Variants in TCF4 observed in about 807,000 individuals in gnomAD.
The protein encoded by TCF4 is transcription factor 4.
TCF4 carries 3 observed loss-of-function variants against 82.1 expected under a neutral mutation model. The ratio of observed to expected loss-of-function variants is 0.04; its 90% CI spans 0.02 to 0.09. TCF4 has a LOEUF of 0.09. TCF4 is among the 10% of genes least tolerant of loss of function. The pLI is 1.00. For missense variants in TCF4, 518 were observed against 852.7 expected, an observed-to-expected ratio of 0.61 and a Z score of 4.89; for synonymous variants, 276 against 309.6, an observed-to-expected ratio of 0.89 and a Z score of 1.14.
intron 3 of TCF4, among the ~76,000 whole-genome samples, chr18:55,520,565 C>T (rs551540545): frequency 9.8e-5 from 15 of 152,306 alleles, no homozygotes; most frequent in African/African-American, 3.6e-4. Context: ...AAATATGAGA[C>T]TATCACATTA....
intron 6 of TCF4, among the ~76,000 whole-genome samples, chr18:55,389,933 C>T (rs951280803): frequency 6.6e-6 from 1 of 151,750 alleles, no homozygotes; most frequent in Admixed American, 6.6e-5. Flanking sequence ...TGAGGGAGAC[C>T]GAGCAGTCTC....
rs544518127 is a variant in TCF4 at position 55,491,943 on chromosome 18, T to A, written c.146-27806A>T. 2.0e-5 allele frequency among the ~76,000 whole-genome samples: 3 copies of A among 152,342 alleles called. No homozygotes were observed. The South Asian group carries it at 6.2e-4, about 32-fold the overall frequency. On this transcript the variant is annotated intron_variant, in intron 3 of 19. Coordinates refer to ENST00000354452, the MANE Select transcript of TCF4 (RefSeq NM_001083962.2). Reference sequence around the variant, plus strand: ...TGCATTTAATCAAAAAGGAGCTTTTTTGAATTTTGGAATCATAGAAATTCA... The same window carrying A: ...TGCATTTAATCAAAAAGGAGCTTTTATGAATTTTGGAATCATAGAAATTCA...
intron 3 of TCF4, chr18:55,550,582 G>A (rs1297782623): frequency 6.6e-6 from 1 of 152,156 alleles, no homozygotes; most frequent in Non-Finnish European, 1.5e-5. Flanking sequence ...TGTGCATGTA[G>A]TACAGCGCCA....
intron 11 of TCF4, among the ~76,000 whole-genome samples, chr18:55,264,248 G>A (rs755132212): frequency 7.9e-5 from 12 of 152,194 alleles, no homozygotes; most frequent in South Asian, 2.1e-4. Context: ...TTACCTCATC[G>A]CGTCATGAAA....
chr18:55,534,671 T>C (rs1253620654), intron 3 of TCF4, among the ~76,000 whole-genome samples: 1 of 152,232 alleles, frequency 6.6e-6, no homozygotes, highest in African/African-American at 2.4e-5. Flanking sequence ...AAATCAGGAC[T>C]CTTCTCAAGT....
At chr18:55,600,970 T>C (rs1265126987) in intron 2 of TCF4, among the ~76,000 whole-genome samples, 1 of 152,160 alleles carries the variant, frequency 6.6e-6, no homozygotes, top group Non-Finnish European at 1.5e-5. Context: ...TACTGTGCCA[T>C]TTTATATCAG....
intron 3 of TCF4, among the ~76,000 whole-genome samples, chr18:55,537,361 G>A (rs1286999959): frequency 6.6e-6 from 1 of 151,976 alleles, no homozygotes; most frequent in East Asian, 1.9e-4. Flanking sequence ...AGACCAAGGT[G>A]GGCAGATTGC....
intron 15 of TCF4, 69 bp from the exon 16 acceptor site, chr18:55,234,752 A>G (rs1009747645): frequency 6.2e-7 from 1 of 1,610,474 alleles, no homozygotes; most frequent in Non-Finnish European, 8.5e-7. Flanking sequence ...CCAGAGGCCA[A>G]GAGGACCTGA....
chr18:55,398,107 T>C (rs1216371991), intron 6 of TCF4, among the ~76,000 whole-genome samples: 1 of 152,162 alleles, frequency 6.6e-6, no homozygotes, highest in East Asian at 1.9e-4. Context: ...TTCTCCTGAG[T>C]ATCTAACACA....
At chr18:55,339,013 T>C (rs2079234070) in intron 8 of TCF4, among the ~76,000 whole-genome samples, 1 of 152,228 alleles carries the variant, frequency 6.6e-6, no homozygotes, top group Non-Finnish European at 1.5e-5. Flanking sequence ...ATCTAATTTG[T>C]TCTTTTTACT....
At chr18:55,432,448 A>T (rs1223013501) in intron 5 of TCF4, among the ~76,000 whole-genome samples, 2 of 152,190 alleles carry the variant, frequency 1.3e-5, no homozygotes, top group Non-Finnish European at 2.9e-5. Context: ...TTCAAATCTT[A>T]CACTGGGCAC....
chr18:55,414,418 G>A (rs2094458298), intron 5 of TCF4, among the ~76,000 whole-genome samples: 1 of 151,876 alleles, frequency 6.6e-6, no homozygotes, highest in Admixed American at 6.6e-5. Flanking sequence ...TATGGCTTTT[G>A]CTTACAAATT....
chr18:55,430,654 A>G (rs1027285057), intron 5 of TCF4, among the ~76,000 whole-genome samples: 2 of 150,534 alleles, frequency 1.3e-5, no homozygotes, highest in Non-Finnish European at 3.0e-5. Flanking sequence ...AAAAAAAAAG[A>G]GTAGTGAGCG....
At chr18:55,397,350 C>T (rs2093561144) in intron 6 of TCF4, among the ~76,000 whole-genome samples, 1 of 152,104 alleles carries the variant, frequency 6.6e-6, no homozygotes, top group Non-Finnish European at 1.5e-5. Flanking sequence ...AACAGCACCA[C>T]AAGGAAACGA....
At chr18:55,253,658 G>A (rs1219948430) in intron 15 of TCF4, among the ~76,000 whole-genome samples, 1 of 151,894 alleles carries the variant, frequency 6.6e-6, no homozygotes, top group Non-Finnish European at 1.5e-5. Context: ...TTCTAAATAG[G>A]TAGTAGTAAA....
At chr18:55,569,520 G>A (rs948389489) in intron 3 of TCF4, among the ~76,000 whole-genome samples, 12 of 151,742 alleles carry the variant, frequency 7.9e-5, no homozygotes, top group East Asian at 1.9e-4. Context: ...ACTCCAGCCC[G>A]GGCAACAGAG....
At chr18:55,363,064 G>C (rs1178813101) in intron 6 of TCF4, among the ~76,000 whole-genome samples, 4 of 152,098 alleles carry the variant, frequency 2.6e-5, no homozygotes, top group East Asian at 1.9e-4. Context: ...ATTCCAAAGA[G>C]AGAAAAATGG....
At chr18:55,398,523 C>A (rs1027179926) in intron 6 of TCF4, among the ~76,000 whole-genome samples, 3 of 152,106 alleles carry the variant, frequency 2.0e-5, no homozygotes, top group African/African-American at 7.2e-5. Context: ...TTCAACCCCC[C>A]AAAAAGTCAG....
chr18:55,269,550 G>C, intron 11 of TCF4: 2 of 438,212 alleles, frequency 4.6e-6, no homozygotes, highest in Non-Finnish European at 8.5e-6. Context: ...CACTCTTTTT[G>C]AATGTGAGGA....
Sources: allele counts gnomAD v4.1 joint callset (sites outside exome capture counted in the v4.1 genomes callset), GRCh38; gene constraint gnomAD v4.1.1; transcripts MANE v1.5; gene names NCBI Gene and HGNC (gene_info 2026-07-23, HGNC 2026-07-21).